The following SLC16A7 variants were observed in gnomAD, a reference collection of about 807,000 sequenced individuals.
SLC16A7 encodes monocarboxylate transporter 2.
In SLC16A7, 33 loss-of-function variants were observed where a neutral mutation model predicts 34.9. The ratio of observed to expected loss-of-function variants is 0.94; its 90% CI spans 0.72 to 1.26. The LOEUF is 1.26. Among genes scored for constraint, SLC16A7 ranks in the 50% most tolerant of loss-of-function variants. The pLI, the probability that SLC16A7 is intolerant of heterozygous loss-of-function variation, is 0.00. For synonymous variants in SLC16A7, 201 were observed against 206.6 expected, an observed-to-expected ratio of 0.97 and a Z score of 0.23; for missense variants, 573 against 578.1, an observed-to-expected ratio of 0.99 and a Z score of 0.09.
At chr12:59,631,421 A>G (rs1331578138) in intron 1 of SLC16A7, among the ~76,000 whole-genome samples, 1 of 151,928 alleles carries the variant, frequency 6.6e-6, no homozygotes, top group African/African-American at 2.4e-5. Context: ...GTAATGCACT[A>G]TTATGTTTAT....
rs376484203 is a variant in SLC16A7 at position 59,685,453 on chromosome 12, C to CTGATGCCAG, written c.-30-19317_-30-19316insATGCCAGTG. On this transcript the variant is annotated intron_variant, in intron 2 of 5. Transcript: ENST00000547379. ...AAATGCTGGTGGTGAATAGACCTCACTGTTATAAAATGTGTATAGAAGCTT... is the reference window on the plus strand; with the variant it reads ...AAATGCTGGTGGTGAATAGACCTCACTGATGCCAGTGTTATAAAATGTGTATAGAAGCTT... Among the ~76,000 whole-genome samples the CTGATGCCAG allele has an allele frequency of 1.9e-3, 284 of 152,106 alleles. 1 individual carries two copies. Among genetic ancestry groups the CTGATGCCAG allele is most frequent in the Middle Eastern group, 6.8e-3 (2 of 294 alleles).
chr12:59,663,752 T>C (rs1175885378), intron 2 of SLC16A7, among the ~76,000 whole-genome samples: 1 of 152,162 alleles, frequency 6.6e-6, no homozygotes, highest in Admixed American at 6.6e-5. Context: ...GCTTAAGTTT[T>C]CAGTAGAAAT....
At chr12:59,757,310 G>T (rs1004592384) in intron 3 of SLC16A7, among the ~76,000 whole-genome samples, 1 of 151,554 alleles carries the variant, frequency 6.6e-6, no homozygotes, top group Non-Finnish European at 1.5e-5. Flanking sequence ...GTAGGTGACG[G>T]GTTGATGGGT....
rs1008095487 is a variant in SLC16A7 at position 59,782,022 on chromosome 12, A to G, written c.*2343A>G. The G allele has an allele frequency of 3.9e-5, 6 of 152,186 alleles. No homozygotes were observed. The highest frequency in any genetic ancestry group is 1.4e-4 in the African/African-American group (6 of 41,432). 9.4% of individuals were successfully genotyped at this position (152,186 alleles called of 1,614,324 possible). ...ATGAGTTTCTCGTCACGTCAAAACC[A>G]GTTCACATTTGTCTGGCTGCTCTTT... On this transcript the variant is annotated 3_prime_UTR_variant, in exon 6 of 6. Coordinates refer to ENST00000547379, the MANE Select transcript of SLC16A7 (RefSeq NM_001270623.2).
rs568956714 is a variant in SLC16A7, at chr12:59,788,452, A to T, written c.*8773A>T. 1 of 152,094 alleles carries T rather than the reference A, an allele frequency of 6.6e-6. No individual in the cohort carries two copies. The highest frequency in any genetic ancestry group is 2.4e-5 in the African/African-American group (1 of 41,456). The allele number at this position is 152,094 out of a possible 1,614,324, so 9.4% of individuals were successfully genotyped here. On this transcript the variant is annotated 3_prime_UTR_variant, in exon 6 of 6. Coordinates refer to ENST00000547379, the MANE Select transcript of SLC16A7 (RefSeq NM_001270623.2). ...GATCATATTGCCACATGGTCTATCA[A>T]CTATGGTTACTATGATAGTGAAATA...
At chr12:59,663,841 T>C (rs1405875353) in intron 2 of SLC16A7, among the ~76,000 whole-genome samples, 4 of 152,122 alleles carry the variant, frequency 2.6e-5, no homozygotes, top group Admixed American at 2.6e-4. Flanking sequence ...CTAGAGGTTA[T>C]TTATGTTATT....
At chr12:59,746,135 C>T (rs1310683448) in intron 3 of SLC16A7, among the ~76,000 whole-genome samples, 1 of 152,150 alleles carries the variant, frequency 6.6e-6, no homozygotes, top group Non-Finnish European at 1.5e-5. Flanking sequence ...GGATGAACTT[C>T]AAGTAAGGAA....
rs188292950 is a variant in SLC16A7, at chr12:59,769,387, C to G, written c.218-1832C>G. 96 of 152,162 alleles carry G rather than the reference C, an allele frequency of 6.3e-4. 1 individual carries two copies. The highest frequency in any genetic ancestry group is 6.2e-3 in the Admixed American group (94 of 15,258). The allele number at this position is 152,162 out of a possible 1,614,324, so 9.4% of individuals were successfully genotyped here. ...ATTCTCTACGTGTATAATTTATTTT[C>G]TTCAGCTCTTCAGGTGAACTTTACC... On this transcript the variant is annotated intron_variant, in intron 3 of 5. Coordinates refer to ENST00000547379, the MANE Select transcript of SLC16A7 (RefSeq NM_001270623.2).
intron 1 of SLC16A7, among the ~76,000 whole-genome samples, chr12:59,633,549 A>T (rs533364987): frequency 3.3e-5 from 5 of 152,054 alleles, no homozygotes; most frequent in Non-Finnish European, 7.4e-5. Context: ...GATAAATAAT[A>T]ATAATGACAA....
At position 59,788,177 on chromosome 12, in the gene SLC16A7, A is replaced by T. The variant is rs1055927829; in HGVS notation, c.*8498A>T. ...AGCATTAAATTGAAACAAATATTTA[A>T]AATAAGATTGTTGGAATAAAAGTTA... On this transcript the variant is annotated 3_prime_UTR_variant, in exon 6 of 6. Coordinates refer to ENST00000547379, the MANE Select transcript of SLC16A7 (RefSeq NM_001270623.2). 1 of 152,166 alleles carries T rather than the reference A, an allele frequency of 6.6e-6. No individual in the cohort carries two copies. Among genetic ancestry groups the T allele is most frequent in the Non-Finnish European group, 1.5e-5 (1 of 68,022 alleles). The allele number at this position is 152,166 out of a possible 1,614,324, so 9.4% of individuals were successfully genotyped here. A position where few individuals can be genotyped will look rare whatever the true frequency, so the allele number is the denominator to read the frequency against.
At chr12:59,659,282 G>A (rs1301335797) in intron 2 of SLC16A7, among the ~76,000 whole-genome samples, 1 of 151,878 alleles carries the variant, frequency 6.6e-6, no homozygotes, top group Non-Finnish European at 1.5e-5. Context: ...AATCTATTTA[G>A]CAGGTATGAG....
At chr12:59,723,199 T>C (rs1693599) in intron 3 of SLC16A7, among the ~76,000 whole-genome samples, 6,850 of 151,976 alleles carry the variant, frequency 0.045, 495 homozygotes, top group African/African-American at 0.16. Flanking sequence ...AAAATTATTA[T>C]AATAATGATC....
chr12:59,679,732 A>G (rs1870598709), intron 2 of SLC16A7, among the ~76,000 whole-genome samples: 1 of 152,218 alleles, frequency 6.6e-6, no homozygotes, highest in African/African-American at 2.4e-5. Flanking sequence ...TTGGCATAAA[A>G]TGAAATACCA....
chr12:59,703,569 A>G (rs1215459618), intron 2 of SLC16A7, among the ~76,000 whole-genome samples: 1 of 152,158 alleles, frequency 6.6e-6, no homozygotes, highest in African/African-American at 2.4e-5. Flanking sequence ...TTTTCTGTAC[A>G]AATCATTGTG....
intron 3 of SLC16A7, among the ~76,000 whole-genome samples, chr12:59,750,346 A>G (rs559905079): frequency 2.9e-4 from 44 of 152,354 alleles, no homozygotes; most frequent in Non-Finnish European, 6.3e-4. Flanking sequence ...CAGAATCTAC[A>G]AAGAATGTAA....
At chr12:59,668,260 C>T (rs995356930) in intron 2 of SLC16A7, among the ~76,000 whole-genome samples, 9 of 152,140 alleles carry the variant, frequency 5.9e-5, no homozygotes, top group African/African-American at 1.9e-4. Context: ...CAACAGCTTG[C>T]ACTGTGAACC....
chr12:59,620,226 A>G (rs1222519622), intron 1 of SLC16A7, among the ~76,000 whole-genome samples: 1 of 151,800 alleles, frequency 6.6e-6, no homozygotes, highest in East Asian at 1.9e-4. Flanking sequence ...AGGTTTGGAT[A>G]TTCATGTTAT....
At chr12:59,715,220 G>A (rs933354409) in intron 3 of SLC16A7, among the ~76,000 whole-genome samples, 1 of 152,126 alleles carries the variant, frequency 6.6e-6, no homozygotes, top group African/African-American at 2.4e-5. Context: ...GAGATTTAGG[G>A]TTACAGGCCC....
rs1307392862 is a variant in SLC16A7 at position 59,786,341 on chromosome 12, C to A, written c.*6662C>A. ...CATTCTTTTGACTAAGACTTTAATTCTTATATGCATCTAAAATAAATGTTT... is the reference window on the plus strand; with the variant it reads ...CATTCTTTTGACTAAGACTTTAATTATTATATGCATCTAAAATAAATGTTT... On this transcript the variant is annotated 3_prime_UTR_variant, in exon 6 of 6. Transcript: ENST00000547379. 6.6e-6 allele frequency: 1 copy of A among 150,922 alleles called. No individual in the cohort carries two copies. Among genetic ancestry groups the A allele is most frequent in the Non-Finnish European group, 1.5e-5 (1 of 67,954 alleles). 9.3% of individuals were successfully genotyped at this position (150,922 alleles called of 1,614,324 possible).
Sources: allele counts gnomAD v4.1 joint callset (sites outside exome capture counted in the v4.1 genomes callset), GRCh38; gene constraint gnomAD v4.1.1; transcripts MANE v1.5; gene names NCBI Gene and HGNC (gene_info 2026-07-23, HGNC 2026-07-21).